The following CEP135 variants were observed in gnomAD, a reference collection of about 807,000 sequenced individuals.
The protein encoded by CEP135 is centrosomal protein 135.
A neutral mutation model predicts 157.3 loss-of-function variants in CEP135; 142 were observed. The observed-to-expected ratio is 0.90, with a 90% CI of 0.79 to 1.04. The LOEUF (loss-of-function observed/expected upper bound fraction) is 1.04, where lower values mean the gene tolerates loss of function less well. Ranked by LOEUF, CEP135 falls within the 50% of genes least tolerant of loss-of-function variation. The probability of loss-of-function intolerance (pLI) is 0.00; values close to 1 mark genes in which losing one functional copy is unlikely to be tolerated. For synonymous variants in CEP135, 396 were observed against 439.8 expected, an observed-to-expected ratio of 0.90 and a Z score of 1.25; for missense variants, 1,317 against 1,309.2, an observed-to-expected ratio of 1.01 and a Z score of -0.09.
chr4:55,988,704 T>G (rs1422094125), intron 14 of CEP135, among the ~76,000 whole-genome samples: 1 of 144,536 alleles, frequency 6.9e-6, no homozygotes, highest in African/African-American at 2.6e-5. Context: ...ACGCCTGTAA[T>G]CCCAGCACTT....
chr4:56,020,552 T>C, intron 23 of CEP135, 124 bp from the exon 24 acceptor site: 2 of 718,538 alleles, frequency 2.8e-6, no homozygotes, highest in Non-Finnish European at 4.8e-6. Flanking sequence ...TGATAAAAGC[T>C]CTAGAAGTTT....
chr4:56,025,826 A>G (rs1190434229), intron 25 of CEP135, among the ~76,000 whole-genome samples: 1 of 152,082 alleles, frequency 6.6e-6, no homozygotes, highest in Non-Finnish European at 1.5e-5. Flanking sequence ...ATATACAGAA[A>G]GGTACCATAT....
At chr4:55,999,846 G>C (rs1730102688) in intron 17 of CEP135, among the ~76,000 whole-genome samples, 1 of 152,078 alleles carries the variant, frequency 6.6e-6, no homozygotes, top group African/African-American at 2.4e-5. Flanking sequence ...ACTACTCCTA[G>C]CCGGAAAAGT....
chr4:56,021,897 A>G (rs1033320098), intron 24 of CEP135, among the ~76,000 whole-genome samples: 1 of 152,010 alleles, frequency 6.6e-6, no homozygotes, highest in Admixed American at 6.6e-5. Context: ...GGGCATGGTG[A>G]TGGGTGCCTG....
chr4:55,960,300 TTTTG>T (rs150024929), intron 6 of CEP135: 5,045 of 153,470 alleles, frequency 0.033, 129 homozygotes, highest in East Asian at 0.079. Context: ...TTGCTAATTT[TTTTG>T]TTTGTTTTCT....
Position 56,011,847 on chromosome 4 carries a change from C to T in CEP135, c.2664C>T (p.Asn888=), listed in dbSNP as rs1255199858. 1 of 1,600,138 alleles carries T rather than the reference C, an allele frequency of 6.2e-7. No homozygotes were observed. The highest frequency in any genetic ancestry group is 8.5e-7 in the Non-Finnish European group (1 of 1,175,526). The change falls in exon 21 of 26, where the codon AAC becomes AAT. Residue 888 remains asparagine (N), a synonymous_variant. Transcript: ENST00000257287. ...TAGATAGATTTCAGATGCTTCATAACCGTGCTGAAGACTGGGAGGTCAAAG... is the reference window on the plus strand; with the variant it reads ...TAGATAGATTTCAGATGCTTCATAATCGTGCTGAAGACTGGGAGGTCAAAG... ...DLLDRFQMLH[N]RAEDWEVKAH... is the part of the protein sequence containing the mutation.
At chr4:55,964,528 T>C (rs1728784413) in intron 7 of CEP135, 126 bp downstream of exon 7, 3 of 673,562 alleles carry the variant, frequency 4.5e-6, no homozygotes, top group Non-Finnish European at 2.2e-6. Context: ...TTATTTGCAA[T>C]GGGAAAAATT....
rs759509468 is a variant in CEP135, at chr4:55,965,687, TACGAGAGCTTATGGAAACCA to T, written c.874_893del (p.Arg292GlyfsTer6). On this transcript the variant is annotated frameshift_variant, in exon 8 of 26. Coordinates refer to ENST00000257287, the MANE Select transcript of CEP135 (RefSeq NM_025009.5). LOFTEE classifies it high-confidence loss of function. Reference sequence around the variant, plus strand: ...GCTAATAAAGACCTGGAGAAGCGTATACGAGAGCTTATGGAAACCAAGGAAACAGTGACATCTGAAGTCGT... The same window carrying T: ...GCTAATAAAGACCTGGAGAAGCGTATAGGAAACAGTGACATCTGAAGTCGT... 1 of 1,613,818 alleles carries T rather than the reference TACGAGAGCTTATGGAAACCA, an allele frequency of 6.2e-7. No homozygotes were observed. Among genetic ancestry groups the T allele is most frequent in the South Asian group, 1.1e-5 (1 of 91,052 alleles).
intron 17 of CEP135, among the ~76,000 whole-genome samples, chr4:56,002,312 C>T (rs1338620579): frequency 6.6e-6 from 1 of 152,026 alleles, no homozygotes; most frequent in Admixed American, 6.5e-5. Context: ...GCATCCTTGG[C>T]TTGTTCCAGA....
At chr4:56,008,217 A>T (rs1730423888) in intron 17 of CEP135, 110 bp from the exon 18 acceptor site, 2 of 732,706 alleles carry the variant, frequency 2.7e-6, no homozygotes, top group Non-Finnish European at 4.6e-6. Context: ...TTTTAGGCAT[A>T]CTTTATATAA....
In CEP135 at chr4:55,961,620, C is replaced by T. The variant is rs181011129; in HGVS notation, c.699+1854C>T. ...TCTCTACTAAAAATACAAAATTAGCCGGGTGTGGTGGCGCATTCCTGTAAT... is the reference window on the plus strand; with the variant it reads ...TCTCTACTAAAAATACAAAATTAGCTGGGTGTGGTGGCGCATTCCTGTAAT... On this transcript the variant is annotated intron_variant, in intron 6 of 25. Transcript: ENST00000257287. Among the ~76,000 whole-genome samples, 334 of 151,610 alleles carry T rather than the reference C, an allele frequency of 2.2e-3. 2 individuals carry two copies. The highest frequency in any genetic ancestry group is 7.6e-3 in the African/African-American group (313 of 41,274).
In CEP135 at chr4:55,974,983, A is replaced by G; in HGVS notation, c.1473+14A>G. ...ACACCAGAAAAGGTAATGTCCCTTT[A>G]TAAGAGTAGGCCAGAAAGTATCTTT... On this transcript the variant is annotated intron_variant, in intron 11 of 25. Transcript: ENST00000257287. 2.6e-6 allele frequency: 4 copies of G among 1,548,934 alleles called. No individual in the cohort carries two copies. The highest frequency in any genetic ancestry group is 3.5e-6 in the Non-Finnish European group (4 of 1,135,814).
At chr4:55,949,655 C>T (rs1164910403) in intron 1 of CEP135, among the ~76,000 whole-genome samples, 1 of 152,212 alleles carries the variant, frequency 6.6e-6, no homozygotes, top group Non-Finnish European at 1.5e-5. Context: ...GGTTTTGAGA[C>T]GCCAACCCCC....
rs558714329 is a variant in CEP135 at position 56,020,900 on chromosome 4, A to G, written c.3320+120A>G. 3.3e-5 allele frequency: 22 copies of G among 662,320 alleles called. No homozygotes were observed. The African/African-American group carries it at 4.0e-4, about 12-fold the overall frequency. 41.0% of individuals were successfully genotyped at this position (662,320 alleles called of 1,614,324 possible). On this transcript the variant is annotated intron_variant, in intron 24 of 25. Transcript: ENST00000257287. The stretch of plus-strand genomic sequence containing the variant: ...TTTAAAAAGCTAATACATAAAGTAC[A>G]TTTCTTTGGTAATTCTTCCTTTTAA...
intron 6 of CEP135, chr4:55,960,007 A>T: frequency 1.7e-6 from 1 of 575,054 alleles, no homozygotes; most frequent in South Asian, 2.4e-5. Flanking sequence ...GGTCCCAGGT[A>T]CTTGGGAGGC....
rs201112708 is a variant in CEP135 at position 55,968,572 on chromosome 4, CT to C, written c.1045-489del. ...TCCACCACCTTTTGCATCTTCTATC[CT>C]TGTGCACACAGCATGCTAAACACAG... On this transcript the variant is annotated intron_variant, in intron 8 of 25. Coordinates refer to ENST00000257287, the MANE Select transcript of CEP135 (RefSeq NM_025009.5). Among the ~76,000 whole-genome samples the C allele has an allele frequency of 4.6e-3, 706 of 152,248 alleles. 3 individuals carry two copies. Among genetic ancestry groups the C allele is most frequent in the Non-Finnish European group, 7.7e-3 (522 of 68,010 alleles).
rs767151439 is a variant in CEP135, at chr4:55,981,210, T to A, written c.1627-17T>A. 2.6e-6 allele frequency: 4 copies of A among 1,558,774 alleles called. No homozygotes were observed. Among genetic ancestry groups the A allele is most frequent in the Non-Finnish European group, 3.4e-6 (4 of 1,163,642 alleles). ...TACTAAAGTGCCTTTTTAATTTATA[T>A]CTTTTCATTCTTTAAGGCTCAGGAA... On this transcript the variant is annotated splice_polypyrimidine_tract_variant and intron_variant, in intron 12 of 25. Coordinates refer to ENST00000257287, the MANE Select transcript of CEP135 (RefSeq NM_025009.5).
At chr4:55,967,211 G>A (rs1021456623) in intron 8 of CEP135, among the ~76,000 whole-genome samples, 6 of 151,912 alleles carry the variant, frequency 3.9e-5, no homozygotes, top group Non-Finnish European at 7.4e-5. Context: ...ATTTTTATCT[G>A]AATAGTGTCA....
intron 6 of CEP135, chr4:55,960,801 C>T (rs1467643320): frequency 2.0e-5 from 3 of 151,242 alleles, no homozygotes; most frequent in African/African-American, 7.3e-5. Flanking sequence ...TGGCGGGCGC[C>T]TGTAGTCCCA....
Sources: gnomAD v4.1 joint callset for allele counts (sites outside exome capture counted in the v4.1 genomes callset) on GRCh38, gnomAD v4.1.1 for gene constraint, MANE v1.5 for transcripts, NCBI Gene and HGNC (gene_info 2026-07-23, HGNC 2026-07-21) for gene names.